Variants in NXPE2 observed in about 807,000 individuals in gnomAD.
The protein encoded by NXPE2 is neurexophilin and PC-esterase domain family member 2.
Under a neutral mutation model 34.4 loss-of-function variants are expected in NXPE2, and 34 were observed. The observed-to-expected ratio is 0.99, with a 90% CI of 0.75 to 1.31. The LOEUF (loss-of-function observed/expected upper bound fraction) is 1.31, where lower values mean the gene tolerates loss of function less well. Among genes scored for constraint, NXPE2 ranks in the 40% most tolerant of loss-of-function variants. The pLI is 0.00. For synonymous variants in NXPE2, 235 were observed against 231.3 expected, an observed-to-expected ratio of 1.02 and a Z score of -0.15; for missense variants, 649 against 672.5, an observed-to-expected ratio of 0.97 and a Z score of 0.39.
At chr11:114,668,635 T>G in the NXPE2 span, among the ~76,000 whole-genome samples, 17 of 151,964 alleles carry the variant, frequency 1.1e-4, no homozygotes, top group South Asian at 3.5e-3. Flanking sequence ...TCAGAGCAAG[T>G]GGGGAAAAGG....
At chr11:114,800,635 G>A in the NXPE2 span, among the ~76,000 whole-genome samples, 1 of 152,184 alleles carries the variant, frequency 6.6e-6, no homozygotes, top group East Asian at 1.9e-4. Flanking sequence ...TTACTTTCCA[G>A]AGATAGTGTG....
At chr11:114,695,871 A>T (rs1019852500) in intron 2 of NXPE2, among the ~76,000 whole-genome samples, 2 of 150,100 alleles carry the variant, frequency 1.3e-5, no homozygotes, top group African/African-American at 2.4e-5. Context: ...ACACACAATT[A>T]GCTGGGTGTG....
the NXPE2 span, among the ~76,000 whole-genome samples, chr11:114,485,081 T>C: frequency 6.6e-6 from 1 of 152,224 alleles, no homozygotes; most frequent in African/African-American, 2.4e-5. Flanking sequence ...TGTATGTATT[T>C]ATGGGGTATA....
the NXPE2 span, among the ~76,000 whole-genome samples, chr11:114,492,150 A>G: frequency 6.6e-6 from 1 of 152,138 alleles, no homozygotes; most frequent in Admixed American, 6.5e-5. Flanking sequence ...CCTAAAATTT[A>G]AAGTATAATA....
the NXPE2 span, among the ~76,000 whole-genome samples, chr11:114,469,583 G>A: frequency 1.3e-5 from 2 of 151,608 alleles, no homozygotes; most frequent in Non-Finnish European, 2.9e-5. Context: ...TCCGCCTCCC[G>A]GGTTCAAGCA....
chr11:114,516,570 C>CTTA, the NXPE2 span, among the ~76,000 whole-genome samples: 43 of 151,732 alleles, frequency 2.8e-4, no homozygotes, highest in African/African-American at 7.5e-4. Flanking sequence ...GAAAGCAAGC[C>CTTA]TTATTATTAT....
chr11:114,554,010 T>C, the NXPE2 span: 1 of 985,462 alleles, frequency 1.0e-6, no homozygotes, highest in Non-Finnish European at 1.2e-6. Context: ...GCAATGTTTT[T>C]TCTTCTTCCA....
At chr11:114,522,589 C>T in the NXPE2 span, 5 of 1,187,350 alleles carry the variant, frequency 4.2e-6, no homozygotes, top group Non-Finnish European at 5.8e-6. Context: ...AAAATACCCA[C>T]CCTACCTAGA....
chr11:114,467,391 G>A, the NXPE2 span, among the ~76,000 whole-genome samples: 16 of 152,192 alleles, frequency 1.1e-4, no homozygotes, highest in East Asian at 3.9e-4. Context: ...GGAAGAAAAG[G>A]TCCGTTTTTA....
chr11:114,634,877 T>G, the NXPE2 span, among the ~76,000 whole-genome samples: 1 of 152,038 alleles, frequency 6.6e-6, no homozygotes, highest in Non-Finnish European at 1.5e-5. Flanking sequence ...CCGTGTAGTA[T>G]AGTTTGAAGT....
At chr11:114,660,607 T>A in the NXPE2 span, among the ~76,000 whole-genome samples, 1 of 151,470 alleles carries the variant, frequency 6.6e-6, no homozygotes, top group Non-Finnish European at 1.5e-5. Flanking sequence ...TGGAAAGGAG[T>A]TTTCTTAACT....
the NXPE2 span, among the ~76,000 whole-genome samples, chr11:114,586,809 T>C: frequency 6.6e-6 from 1 of 152,296 alleles, no homozygotes; most frequent in South Asian, 2.1e-4. Context: ...ATGTCTCCTA[T>C]CCACTCTCTG....
At chr11:114,620,717 C>T in the NXPE2 span, among the ~76,000 whole-genome samples, 1 of 152,188 alleles carries the variant, frequency 6.6e-6, no homozygotes, top group African/African-American at 2.4e-5. Flanking sequence ...TAAGTACTGC[C>T]TCTTGGGTAA....
intron 4 of NXPE2, among the ~76,000 whole-genome samples, chr11:114,704,898 C>A (rs1337057991): frequency 6.6e-6 from 1 of 152,208 alleles, no homozygotes; most frequent in South Asian, 2.1e-4. Context: ...TTTTATTTCC[C>A]TCTTGCCTGG....
At chr11:114,662,675 G>T in the NXPE2 span, among the ~76,000 whole-genome samples, 2,756 of 152,160 alleles carry the variant, frequency 0.018, 45 homozygotes, top group Non-Finnish European at 0.031. Context: ...GAAGAGTGGT[G>T]AGGACTTTGT....
chr11:114,714,631 G>T, the NXPE2 span, among the ~76,000 whole-genome samples: 1 of 152,184 alleles, frequency 6.6e-6, no homozygotes, highest in Non-Finnish European at 1.5e-5. Context: ...TCATTTTCAG[G>T]CAGGTTCTTT....
chr11:114,639,857 T>C, the NXPE2 span, among the ~76,000 whole-genome samples: 1 of 80,596 alleles, frequency 1.2e-5, no homozygotes, highest in Non-Finnish European at 2.2e-5. Flanking sequence ...ATATAATATA[T>C]ATTATATTTT....
the NXPE2 span, among the ~76,000 whole-genome samples, chr11:114,763,623 T>A: frequency 1.3e-5 from 2 of 152,192 alleles, no homozygotes; most frequent in Non-Finnish European, 2.9e-5. Context: ...AAATTCCCCT[T>A]AGCATTTCTA....
chr11:114,614,866 G>A, the NXPE2 span, among the ~76,000 whole-genome samples: 799 of 151,904 alleles, frequency 5.3e-3, 33 homozygotes, highest in East Asian at 0.011. Flanking sequence ...GGTTACCACT[G>A]TTTCCCAGTG....
Sources: allele counts gnomAD v4.1 joint callset (sites outside exome capture counted in the v4.1 genomes callset), GRCh38; gene constraint gnomAD v4.1.1; transcripts MANE v1.5; gene names NCBI Gene and HGNC (gene_info 2026-07-23, HGNC 2026-07-21).